MACROD2: variants seen among roughly 807,000 people sequenced by gnomAD.
The protein encoded by MACROD2 is mono-ADP ribosylhydrolase 2, also known as ADP-ribose glycohydrolase MACROD2.
A neutral mutation model predicts 70.4 loss-of-function variants in MACROD2; 36 were observed. That is an observed-to-expected ratio of 0.51 (90% CI 0.39 to 0.68). MACROD2 has a LOEUF of 0.68. Among genes scored for constraint, MACROD2 ranks in the 30% least tolerant of loss-of-function variants. MACROD2 has a pLI of 0.00. For missense variants in MACROD2, 496 were observed against 538.4 expected, an observed-to-expected ratio of 0.92 and a Z score of 0.78; for synonymous variants, 172 against 178.8, an observed-to-expected ratio of 0.96 and a Z score of 0.30.
rs118074710 is a variant in MACROD2, at chr20:15,238,987, A to G, written c.540+8926A>G. Among the ~76,000 whole-genome samples, 1,074 of 152,188 alleles carry G rather than the reference A, an allele frequency of 7.1e-3. 5 individuals are homozygous for G. Among genetic ancestry groups the G allele is most frequent in the Non-Finnish European group, 0.01 (683 of 67,986 alleles). ...TGCAAGCTTTCATCTTGAGTGCTTTATTTTTCCCTGACCTGAGCGGCAGTT... is the reference window on the plus strand; with the variant it reads ...TGCAAGCTTTCATCTTGAGTGCTTTGTTTTTCCCTGACCTGAGCGGCAGTT... On this transcript the variant is annotated intron_variant, in intron 6 of 17. Transcript: ENST00000684519.
chr20:14,127,698 C>A, intron 3 of MACROD2: 1 of 387,228 alleles, frequency 2.6e-6, no homozygotes. Flanking sequence ...TATGTGGTTT[C>A]TGAACGTGAT....
At position 14,086,781 on chromosome 20, in the gene MACROD2, A is replaced by G. The variant is rs1256508249; in HGVS notation, c.271+1053A>G. On this transcript the variant is annotated intron_variant, in intron 3 of 17. Transcript: ENST00000684519. ...TGAGACAGAGAATGGGAATTTGGAAAGTCTGTTTCTGGCCTTGTCATTGGT... is the reference window on the plus strand; with the variant it reads ...TGAGACAGAGAATGGGAATTTGGAAGGTCTGTTTCTGGCCTTGTCATTGGT... 3.9e-5 allele frequency among the ~76,000 whole-genome samples: 6 copies of G among 152,186 alleles called. No homozygotes were observed. In the East Asian group the frequency reaches 1.2e-3, roughly 29 times the overall value.
At position 15,640,065 on chromosome 20, in the gene MACROD2, G is replaced by A. The variant is rs189199535; in HGVS notation, c.645+140218G>A. 1.8e-3 allele frequency among the ~76,000 whole-genome samples: 269 copies of A among 150,714 alleles called. 1 individual carries two copies. The highest frequency in any genetic ancestry group is 6.5e-3 in the Admixed American group (98 of 15,138). On this transcript the variant is annotated intron_variant, in intron 8 of 17. Coordinates refer to ENST00000684519, the MANE Select transcript of MACROD2 (RefSeq NM_001351661.2). ...TGAGAGAAGAAGAGAGAAAGGGGGC[G>A]TGAGAGAAGGTGAGAGAAAAAAGGA...
In MACROD2 at chr20:14,313,144, A is replaced by T. The variant is rs574097828; in HGVS notation, c.272-180335A>T. ...AAGATTTGAATATAATATATTGGTC[A>T]CTCTGTTATCTGTCATAGGCTGGCT... On this transcript the variant is annotated intron_variant, in intron 3 of 17. Transcript: ENST00000684519. 9.8e-5 allele frequency among the ~76,000 whole-genome samples: 15 copies of T among 152,308 alleles called. No individual in the cohort carries two copies. In the East Asian group the frequency reaches 2.9e-3, roughly 29 times the overall value.
At chr20:15,323,784 C>T (rs761898480) in intron 6 of MACROD2, among the ~76,000 whole-genome samples, 1 of 152,126 alleles carries the variant, frequency 6.6e-6, no homozygotes, top group Non-Finnish European at 1.5e-5. Context: ...ATCTAGGTCA[C>T]TGCCTATGTC....
chr20:15,896,154 T>G (rs2064969096), intron 10 of MACROD2, among the ~76,000 whole-genome samples: 1 of 152,210 alleles, frequency 6.6e-6, no homozygotes, highest in Non-Finnish European at 1.5e-5. Context: ...TATCAATGTT[T>G]TTTTAGCTTG....
chr20:15,350,594 A>C (rs1244212635), intron 6 of MACROD2, among the ~76,000 whole-genome samples: 1 of 152,226 alleles, frequency 6.6e-6, no homozygotes, highest in Non-Finnish European at 1.5e-5. Flanking sequence ...AGCATTATGC[A>C]GAGTAATTTG....
chr20:14,929,978 G>A (rs908718356), intron 5 of MACROD2, among the ~76,000 whole-genome samples: 4 of 151,966 alleles, frequency 2.6e-5, no homozygotes, highest in African/African-American at 9.6e-5. Flanking sequence ...TGGCTAACAC[G>A]GTGAAACCCC....
chr20:15,903,068 T>G (rs1312448892), intron 10 of MACROD2, among the ~76,000 whole-genome samples: 3 of 151,790 alleles, frequency 2.0e-5, no homozygotes, highest in Non-Finnish European at 4.4e-5. Flanking sequence ...GGGAAAAGAG[T>G]GTTCCAGTAG....
intron 6 of MACROD2, among the ~76,000 whole-genome samples, chr20:15,301,514 G>A (rs1415812999): frequency 1.3e-5 from 2 of 148,968 alleles, no homozygotes; most frequent in Admixed American, 1.3e-4. Flanking sequence ...TTGGTTTCTT[G>A]AATTTCAGAC....
intron 4 of MACROD2, among the ~76,000 whole-genome samples, chr20:14,563,684 T>G (rs1979589502): frequency 6.6e-6 from 1 of 151,988 alleles, no homozygotes; most frequent in Non-Finnish European, 1.5e-5. Context: ...TAATTTCTAT[T>G]TGGTTCTTTT....
intron 3 of MACROD2, among the ~76,000 whole-genome samples, chr20:14,424,025 C>G (rs1385641082): frequency 1.3e-5 from 2 of 151,758 alleles, no homozygotes; most frequent in Non-Finnish European, 2.9e-5. Flanking sequence ...GCCTCCCAGA[C>G]TGCTGGGATT....
At chr20:15,204,839 G>T (rs1304997499) in intron 5 of MACROD2, among the ~76,000 whole-genome samples, 2 of 152,088 alleles carry the variant, frequency 1.3e-5, no homozygotes, top group African/African-American at 4.8e-5. Context: ...GAAAGAAAAA[G>T]ATTCCACTGC....
intron 6 of MACROD2, among the ~76,000 whole-genome samples, chr20:15,246,192 T>C (rs1414238200): frequency 1.3e-5 from 2 of 152,202 alleles, no homozygotes; most frequent in Non-Finnish European, 2.9e-5. Flanking sequence ...GTTAGTATAT[T>C]GGTATTTTGG....
chr20:14,232,505 A>C (rs1001904819), intron 3 of MACROD2, among the ~76,000 whole-genome samples: 2 of 152,200 alleles, frequency 1.3e-5, no homozygotes, highest in Non-Finnish European at 2.9e-5. Context: ...AGCACTTGCT[A>C]CTTCATCTTT....
chr20:14,112,394 A>T (rs960175503), intron 3 of MACROD2, among the ~76,000 whole-genome samples: 5 of 152,130 alleles, frequency 3.3e-5, no homozygotes, highest in Non-Finnish European at 7.4e-5. Flanking sequence ...CAAAGGATAA[A>T]TGCTTGAGGG....
At chr20:14,757,825 T>A in intron 5 of MACROD2, 1 of 1,528,256 alleles carries the variant, frequency 6.5e-7, no homozygotes, top group Non-Finnish European at 9.0e-7. Context: ...CCCCGGAGAT[T>A]GTGCCTGCCA....
chr20:15,573,341 T>C (rs1279470637), intron 8 of MACROD2, among the ~76,000 whole-genome samples: 2 of 152,170 alleles, frequency 1.3e-5, no homozygotes, highest in African/African-American at 4.8e-5. Flanking sequence ...CCCCTGAGAA[T>C]AAAAGCAAGT....
intron 4 of MACROD2, among the ~76,000 whole-genome samples, 195 bp from the exon 5 acceptor site, chr20:14,684,648 A>ACCACCCCCCCCCCCCC (rs2070977501): frequency 2.2e-5 from 3 of 134,956 alleles, no homozygotes; most frequent in Non-Finnish European, 1.7e-5. Context: ...ACATAACCTC[A>ACCACCCCCCCCCCCCC]CCCCCCCCCC....
Sources: gnomAD v4.1 joint callset for allele counts (sites outside exome capture counted in the v4.1 genomes callset) on GRCh38, gnomAD v4.1.1 for gene constraint, MANE v1.5 for transcripts, NCBI Gene and HGNC (gene_info 2026-07-23, HGNC 2026-07-21) for gene names.